The following WDR11 variants were observed in gnomAD, a reference collection of about 807,000 sequenced individuals.
WDR11 encodes WD repeat-containing protein 11.
WDR11 carries 83 observed loss-of-function variants against 151.2 expected under a neutral mutation model. The observed-to-expected ratio is 0.55, with a 90% CI of 0.46 to 0.66. The LOEUF (loss-of-function observed/expected upper bound fraction) is 0.66. Ranked by LOEUF, WDR11 falls within the 30% of genes least tolerant of loss-of-function variation. The probability of loss-of-function intolerance (pLI) is 0.00; values close to 1 mark genes in which losing one functional copy is unlikely to be tolerated. For synonymous variants in WDR11, 484 were observed against 533.1 expected, an observed-to-expected ratio of 0.91 and a Z score of 1.27; for missense variants, 1,301 against 1,480.9, an observed-to-expected ratio of 0.88 and a Z score of 1.99.
At chr10:120,903,928 T>A in intron 23 of WDR11, 119 bp from the exon 24 acceptor site, 1 of 683,390 alleles carries the variant, frequency 1.5e-6, no homozygotes, top group East Asian at 2.8e-5. Flanking sequence ...AAGTTGATTA[T>A]CTAGTAACCT....
chr10:120,855,231 T>TA (rs2133724052), intron 2 of WDR11, among the ~76,000 whole-genome samples: 1 of 152,294 alleles, frequency 6.6e-6, no homozygotes, highest in Admixed American at 6.5e-5. Flanking sequence ...GTTGATCTGA[T>TA]AATCAGTATG....
chr10:120,901,344 C>T (rs1323144454), intron 21 of WDR11, among the ~76,000 whole-genome samples: 6 of 152,186 alleles, frequency 3.9e-5, no homozygotes, highest in African/African-American at 1.4e-4. Context: ...CTGCTCTGAT[C>T]TCACATCAAG....
chr10:120,871,408 GT>G (rs1387708457), intron 10 of WDR11, 62 bp downstream of exon 10: 58 of 1,505,074 alleles, frequency 3.9e-5, no homozygotes, highest in Non-Finnish European at 5.1e-5. Flanking sequence ...AGGTTTTCTA[GT>G]TTCTAGAAGA....
intron 18 of WDR11, among the ~76,000 whole-genome samples, chr10:120,890,395 G>A (rs2133792724): frequency 6.6e-6 from 1 of 152,130 alleles, no homozygotes; most frequent in South Asian, 2.1e-4. Context: ...TGTATTTTTA[G>A]TAGAGACAGG....
chr10:120,862,498 A>G (rs892886143), intron 4 of WDR11: 2 of 425,590 alleles, frequency 4.7e-6, no homozygotes, highest in Admixed American at 3.9e-5. Flanking sequence ...ACCTTATGTT[A>G]TCTTTTTAAT....
chr10:120,866,770 T>A lies in WDR11; in HGVS notation c.1190+6T>A, dbSNP rs1224238143. On this transcript the variant is annotated splice_donor_region_variant and intron_variant, in intron 8 of 28. Transcript: ENST00000263461. ...AATCGAAATTCACGGAACAGGTAAATGAATCAACAGGATCATGGTTTTGTT... is the reference window on the plus strand; with the variant it reads ...AATCGAAATTCACGGAACAGGTAAAAGAATCAACAGGATCATGGTTTTGTT... 5.0e-6 allele frequency: 8 copies of A among 1,613,984 alleles called. No homozygotes were observed. In the South Asian group the frequency reaches 8.8e-5, roughly 18 times the overall value.
chr10:120,870,651 G>C (rs1239832710), intron 9 of WDR11, among the ~76,000 whole-genome samples: 1 of 152,076 alleles, frequency 6.6e-6, no homozygotes, highest in East Asian at 1.9e-4. Context: ...AAAACATTTT[G>C]TAATTACACT....
intron 19 of WDR11, among the ~76,000 whole-genome samples, chr10:120,897,732 A>T (rs1183029100): frequency 6.6e-6 from 1 of 152,210 alleles, no homozygotes; most frequent in East Asian, 1.9e-4. Context: ...AGATTGGAAT[A>T]GACTAAAGAG....
At chr10:120,851,927 G>T (rs754972512) in intron 1 of WDR11, 7 of 270,814 alleles carry the variant, frequency 2.6e-5, no homozygotes, top group Non-Finnish European at 5.0e-5. Flanking sequence ...CCCTGTGCTA[G>T]GCGCCTGTTC....
At chr10:120,904,912 GC>G in intron 25 of WDR11, 101 bp downstream of exon 25, 1 of 1,399,332 alleles carries the variant, frequency 7.1e-7, no homozygotes, top group South Asian at 1.2e-5. Flanking sequence ...TTTTACATAT[GC>G]TGAAGAAAAA....
rs1848199898 is a variant in WDR11 at position 120,909,306 on chromosome 10, G to A, written c.*593G>A. 1 of 154,474 alleles carries A rather than the reference G, an allele frequency of 6.5e-6. No homozygotes were observed. The highest frequency in any genetic ancestry group is 6.4e-5 in the Admixed American group (1 of 15,642). The allele number at this position is 154,474 out of a possible 1,614,324, so 9.6% of individuals were successfully genotyped here. A position where few individuals can be genotyped will look rare whatever the true frequency, so the allele number is the denominator to read the frequency against. On this transcript the variant is annotated 3_prime_UTR_variant, in exon 29 of 29. Coordinates refer to ENST00000263461, the MANE Select transcript of WDR11 (RefSeq NM_018117.12). ...CTCAGAGGACCATAGGAGGTTTTAA[G>A]ATTTATGTTTAGTCCGATAGGTGAG...
chr10:120,855,651 GTTAA>G (rs1845920998), intron 2 of WDR11, among the ~76,000 whole-genome samples: 1 of 151,566 alleles, frequency 6.6e-6, no homozygotes, highest in African/African-American at 2.4e-5. Flanking sequence ...TCCATTTTGA[GTTAA>G]TTTTTATATA....
Position 120,882,544 on chromosome 10 carries a change from G to GTTTTGTTT in WDR11, c.1740-1232_1740-1231insGTTTTTTT, listed in dbSNP as rs59740058. Among the ~76,000 whole-genome samples the GTTTTGTTT allele has an allele frequency of 1.1e-4, 16 of 142,454 alleles. No homozygotes were observed. In the East Asian group the frequency reaches 2.3e-3, roughly 20 times the overall value. 93.5% of individuals were successfully genotyped at this position (142,454 alleles called of 152,430 possible). A position where few individuals can be genotyped will look rare whatever the true frequency, so the allele number is the denominator to read the frequency against. The stretch of plus-strand genomic sequence containing the variant: ...AGTTTTTAAATACAAATTCAGTTTT[G>GTTTTGTTT]TTTTTTTTTTTCATAAATATAGGAC... On this transcript the variant is annotated intron_variant, in intron 13 of 28. Transcript: ENST00000263461.
chr10:120,864,934 A>G, intron 5 of WDR11, 113 bp from the exon 6 acceptor site: 1 of 1,285,052 alleles, frequency 7.8e-7, no homozygotes, highest in Non-Finnish European at 1.1e-6. Context: ...CACTTCAGGG[A>G]ATAGTTGTAC....
In WDR11 at chr10:120,909,359, T is replaced by A. The variant is rs1848203096; in HGVS notation, c.*646T>A. On this transcript the variant is annotated 3_prime_UTR_variant, in exon 29 of 29. Transcript: ENST00000263461. ...CTTTGATATTTTGAATTTTAACTCC[T>A]TTTATGATACATCACAGTAACCTCA... is the stretch of plus-strand genomic sequence containing the variant. 1 of 153,482 alleles carries A rather than the reference T, an allele frequency of 6.5e-6. No homozygotes were observed. The allele number at this position is 153,482 out of a possible 1,614,324, so 9.5% of individuals were successfully genotyped here.
At chr10:120,895,014 T>C (rs1051250586) in intron 19 of WDR11, among the ~76,000 whole-genome samples, 1 of 152,210 alleles carries the variant, frequency 6.6e-6, no homozygotes, top group African/African-American at 2.4e-5. Flanking sequence ...AACATATTTG[T>C]TTTAAAAAAT....
Position 120,889,929 on chromosome 10 carries a change from A to G in WDR11, c.2263A>G (p.Ile755Val). 6.2e-7 allele frequency: 1 copy of G among 1,614,118 alleles called. No homozygotes were observed. Among genetic ancestry groups the G allele is most frequent in the East Asian group, 2.2e-5 (1 of 44,872 alleles). ...CACACACCGAAGTTGGGTGAGGAAG[A>G]TTCGTTTTGCTCCTGGTAAAGGAAA... is the stretch of plus-strand genomic sequence containing the variant. ...IPTHRSWVRK[I>V]RFAPGKGNQK... The change falls in exon 18 of 29, where the codon ATT becomes GTT. Residue 755 changes from isoleucine to valine, a missense_variant. Coordinates refer to ENST00000263461, the MANE Select transcript of WDR11 (RefSeq NM_018117.12).
rs1263369515 is a variant in WDR11 at position 120,886,004 on chromosome 10, G to A, written c.1973+66G>A. 1.2e-5 allele frequency: 20 copies of A among 1,602,746 alleles called. No homozygotes were observed. In the East Asian group the frequency reaches 2.0e-4, roughly 16 times the overall value. On this transcript the variant is annotated intron_variant, in intron 15 of 28. Coordinates refer to ENST00000263461, the MANE Select transcript of WDR11 (RefSeq NM_018117.12). ...AGCATCATGTCTGGGAAGTTGACAA[G>A]TATCATCGGAAGGTGTCTATGGTAG...
chr10:120,895,614 C>G (rs746221946), intron 19 of WDR11, among the ~76,000 whole-genome samples: 2 of 152,092 alleles, frequency 1.3e-5, no homozygotes, highest in African/African-American at 2.4e-5. Flanking sequence ...AAGTAATTCA[C>G]AAGTCACAGA....
Sources: allele counts gnomAD v4.1 joint callset (sites outside exome capture counted in the v4.1 genomes callset), GRCh38; gene constraint gnomAD v4.1.1; transcripts MANE v1.5; gene names NCBI Gene and HGNC (gene_info 2026-07-23, HGNC 2026-07-21).